DPYD: variants seen among roughly 807,000 people sequenced by gnomAD.
DPYD encodes dihydropyrimidine dehydrogenase [NADP(+)].
DPYD carries 109 observed loss-of-function variants against 116.2 expected under a neutral mutation model. The ratio of observed to expected loss-of-function variants is 0.94; its 90% confidence interval spans 0.80 to 1.10. DPYD has a LOEUF of 1.10. DPYD is among the 50% of genes least tolerant of loss of function. DPYD has a pLI of 0.00. For missense variants in DPYD, 1,302 were observed against 1,254.5 expected (o/e 1.04, Z -0.57); for synonymous variants, 440 against 432.0 (o/e 1.02, Z -0.23).
intron 20 of DPYD, among the ~76,000 whole-genome samples, chr1:97,168,250 C>T (rs1656465631): frequency 1.3e-5 from 2 of 152,178 alleles, no homozygotes; most frequent in South Asian, 4.1e-4. Context: ...GGCTATCATA[C>T]TCAGCTGTCA....
intron 8 of DPYD, among the ~76,000 whole-genome samples, chr1:97,598,860 A>C (rs1454494832): frequency 6.6e-6 from 1 of 152,158 alleles, no homozygotes; most frequent in African/African-American, 2.4e-5. Context: ...GGATCACAGA[A>C]CATGTAAGAA....
At chr1:97,612,283 C>G (rs1655994553) in intron 8 of DPYD, among the ~76,000 whole-genome samples, 1 of 151,980 alleles carries the variant, frequency 6.6e-6, no homozygotes, top group African/African-American at 2.4e-5. Context: ...GTTATATGTT[C>G]CTGTTAGGGT....
At chr1:97,388,977 C>A (rs12047563) in intron 14 of DPYD, among the ~76,000 whole-genome samples, 29,148 of 151,720 alleles carry the variant, frequency 0.19, 2,971 homozygotes, top group South Asian at 0.37. Flanking sequence ...GAGAGAGAAA[C>A]AAATAAGTAT....
At chr1:97,438,797 G>C (rs2101752998) in intron 14 of DPYD, among the ~76,000 whole-genome samples, 1 of 152,002 alleles carries the variant, frequency 6.6e-6, no homozygotes, top group East Asian at 1.9e-4. Flanking sequence ...TGTTTCTTTG[G>C]TATATTCCAT....
At chr1:97,436,665 T>C (rs1675489643) in intron 14 of DPYD, among the ~76,000 whole-genome samples, 1 of 152,058 alleles carries the variant, frequency 6.6e-6, no homozygotes, top group Non-Finnish European at 1.5e-5. Flanking sequence ...CTTCTTTTAC[T>C]GAATGACATG....
At chr1:97,915,092 G>T (rs1454951379) in intron 1 of DPYD, among the ~76,000 whole-genome samples, 1 of 152,140 alleles carries the variant, frequency 6.6e-6, no homozygotes, top group African/African-American at 2.4e-5. Flanking sequence ...AGCATTTTGT[G>T]TATGTGACTC....
intron 21 of DPYD, among the ~76,000 whole-genome samples, chr1:97,082,914 G>A (rs544159414): frequency 6.6e-6 from 1 of 152,110 alleles, no homozygotes; most frequent in East Asian, 1.9e-4. Flanking sequence ...TGAATGTTAT[G>A]CATTTATTTC....
In DPYD at chr1:97,380,076, G is replaced by T. The variant is rs893436532; in HGVS notation, c.1974+2317C>A. 3.3e-5 allele frequency among the ~76,000 whole-genome samples: 5 copies of T among 152,102 alleles called. No individual in the cohort carries two copies. The South Asian group carries it at 6.2e-4, about 19-fold the overall frequency. On this transcript the variant is annotated intron_variant, in intron 15 of 22. Transcript: ENST00000370192. The stretch of plus-strand genomic sequence containing the variant: ...CTTTTTCACATTAACTTTTACTCGG[G>T]CTCTATTTTCAAGGCTGATTACAAA...
intron 16 of DPYD, among the ~76,000 whole-genome samples, chr1:97,308,102 A>G (rs1311989448): frequency 2.0e-5 from 3 of 151,736 alleles, no homozygotes; most frequent in African/African-American, 7.2e-5. Flanking sequence ...AATACTATTG[A>G]CCCCCATGCC....
At position 97,549,652 on chromosome 1, in the gene DPYD, C is replaced by T. The variant is rs1313357608; in HGVS notation, c.1432G>A (p.Ala478Thr). 2 of 1,613,880 alleles carry T rather than the reference C, an allele frequency of 1.2e-6. No homozygotes were observed. Among genetic ancestry groups the T allele is most frequent in the Non-Finnish European group, 1.7e-6 (2 of 1,179,896 alleles). Residue 478 changes from alanine to threonine, a missense_variant, in exon 12 of 23, where the codon GCA (alanine) becomes ACA (threonine). Coordinates refer to ENST00000370192, the MANE Select transcript of DPYD (RefSeq NM_000110.4). ...TMQTSEAWVF[A>T]GGDVVGLANT... ...GCCAAACCAACGACATCACCACCTG[C>T]AAATACCCATGCTTCACTAGTTTGC...
At chr1:97,756,447 GAT>G (rs1665243422) in intron 3 of DPYD, among the ~76,000 whole-genome samples, 1 of 152,042 alleles carries the variant, frequency 6.6e-6, no homozygotes, top group South Asian at 2.1e-4. Flanking sequence ...ATCTAAAATG[GAT>G]ATTTTTCCAA....
chr1:97,189,335 C>T (rs545861706), intron 20 of DPYD, among the ~76,000 whole-genome samples: 7 of 152,246 alleles, frequency 4.6e-5, no homozygotes, highest in East Asian at 1.9e-4. Context: ...TTCCAGATGT[C>T]GGGAACAGCA....
intron 10 of DPYD, among the ~76,000 whole-genome samples, chr1:97,581,961 T>C (rs2102213618): frequency 6.6e-6 from 1 of 152,288 alleles, no homozygotes; most frequent in Non-Finnish European, 1.5e-5. Flanking sequence ...TAAAGCTCTA[T>C]GTAATATGTA....
chr1:97,079,571 G>T (rs1439248902), intron 22 of DPYD, among the ~76,000 whole-genome samples: 1 of 152,136 alleles, frequency 6.6e-6, no homozygotes, highest in East Asian at 1.9e-4. Flanking sequence ...GTTACTGTCA[G>T]ATTCTGAGGC....
chr1:97,393,964 A>G (rs1247676507), intron 14 of DPYD, among the ~76,000 whole-genome samples: 1 of 152,072 alleles, frequency 6.6e-6, no homozygotes, highest in African/African-American at 2.4e-5. Flanking sequence ...TTGTTTCCTG[A>G]CTTTTTAATG....
At chr1:97,715,332 A>C (rs538965808) in intron 5 of DPYD, among the ~76,000 whole-genome samples, 4 of 152,132 alleles carry the variant, frequency 2.6e-5, no homozygotes, top group African/African-American at 9.7e-5. Flanking sequence ...CATGTGACAA[A>C]AATTAATGAA....
intron 8 of DPYD, among the ~76,000 whole-genome samples, chr1:97,651,202 C>A (rs1236856438): frequency 1.3e-5 from 2 of 151,880 alleles, no homozygotes; most frequent in African/African-American, 4.8e-5. Context: ...TAAGTTTAAC[C>A]CACATTTATG....
intron 15 of DPYD, among the ~76,000 whole-genome samples, chr1:97,380,442 G>A (rs1043564259): frequency 6.6e-6 from 1 of 152,146 alleles, no homozygotes; most frequent in African/African-American, 2.4e-5. Flanking sequence ...ATTCAAACCA[G>A]GTTGAAGAAT....
At chr1:97,195,049 C>T (rs1335422609) in intron 19 of DPYD, among the ~76,000 whole-genome samples, 3 of 152,106 alleles carry the variant, frequency 2.0e-5, no homozygotes. Context: ...TTTGATATCA[C>T]ATGTAGACTC....
Sources: allele counts gnomAD v4.1 joint callset (sites outside exome capture counted in the v4.1 genomes callset), GRCh38; gene constraint gnomAD v4.1.1; transcripts MANE v1.5; gene names NCBI Gene and HGNC (gene_info 2026-07-23, HGNC 2026-07-21).